The following GRIP1 variants were observed in gnomAD, a reference collection of about 807,000 sequenced individuals.
GRIP1 encodes glutamate receptor-interacting protein 1.
A neutral mutation model predicts 129.9 loss-of-function variants in GRIP1; 45 were observed. That is an observed-to-expected ratio of 0.35 (90% CI 0.27 to 0.44). The LOEUF (loss-of-function observed/expected upper bound fraction) is 0.44, where lower values mean the gene tolerates loss of function less well. Among genes scored for constraint, GRIP1 ranks in the 20% least tolerant of loss-of-function variants. The pLI is 1.00. For synonymous variants in GRIP1, 530 were observed against 520.8 expected (o/e 1.02, Z -0.24); for missense variants, 1,196 against 1,396.8 (o/e 0.86, Z 2.29).
chr12:66,900,933 C>T (rs2040834523), intron 1 of GRIP1, among the ~76,000 whole-genome samples: 1 of 152,158 alleles, frequency 6.6e-6, no homozygotes. Context: ...GGTCTTGGCT[C>T]TTAAATCCTG....
chr12:66,719,066 G>A (rs1332556571), intron 1 of GRIP1, among the ~76,000 whole-genome samples: 1 of 152,036 alleles, frequency 6.6e-6, no homozygotes, highest in African/African-American at 2.4e-5. Context: ...TTATTACTGG[G>A]AAACAGGCAG....
At chr12:67,049,306 A>C (rs1026704048) in intron 1 of GRIP1, among the ~76,000 whole-genome samples, 1 of 152,188 alleles carries the variant, frequency 6.6e-6, no homozygotes. Context: ...TCTAAGCCCA[A>C]ATTTTGCCTC....
chr12:66,885,485 C>T (rs897636116), intron 1 of GRIP1, among the ~76,000 whole-genome samples: 4 of 152,118 alleles, frequency 2.6e-5, no homozygotes, highest in South Asian at 2.1e-4. Flanking sequence ...AGATGGAGGG[C>T]GTACCTGATT....
intron 7 of GRIP1, among the ~76,000 whole-genome samples, chr12:66,473,471 G>T (rs2059505816): frequency 6.6e-6 from 1 of 152,238 alleles, no homozygotes; most frequent in Non-Finnish European, 1.5e-5. Context: ...CAGTGCTTCA[G>T]CTCTGCTAAG....
At chr12:66,773,151 C>T (rs2037873398) in intron 1 of GRIP1, among the ~76,000 whole-genome samples, 2 of 152,152 alleles carry the variant, frequency 1.3e-5, no homozygotes, top group South Asian at 2.1e-4. Context: ...TCCGCATTTA[C>T]CTTCAGGTCA....
chr12:66,444,213 G>A (rs756430117), intron 13 of GRIP1, among the ~76,000 whole-genome samples: 3 of 152,212 alleles, frequency 2.0e-5, no homozygotes, highest in East Asian at 1.9e-4. Context: ...TTGGCCGGGC[G>A]CGGTGGCTCA....
At position 66,628,193 on chromosome 12, in the gene GRIP1, T is replaced by C. The variant is rs910305632; in HGVS notation, c.56-31266A>G. The stretch of plus-strand genomic sequence containing the variant: ...GAGCAGGCTTTCTCTAGATCCCTTA[T>C]TTGTTCTAAATAGATTGTGAGCTCA... On this transcript the variant is annotated intron_variant, in intron 1 of 24. Coordinates refer to ENST00000359742, the MANE Select transcript of GRIP1 (RefSeq NM_001366722.1). Among the ~76,000 whole-genome samples the C allele has an allele frequency of 5.3e-5, 8 of 152,180 alleles. No individual in the cohort carries two copies. In the South Asian group the frequency reaches 6.2e-4, roughly 12 times the overall value.
At chr12:66,527,792 C>G (rs980853873) in intron 5 of GRIP1, among the ~76,000 whole-genome samples, 3 of 151,974 alleles carry the variant, frequency 2.0e-5, no homozygotes, top group Non-Finnish European at 4.4e-5. Flanking sequence ...ACAACAGACA[C>G]TGAGGCCTAT....
chr12:67,040,219 AC>A (rs1454560879), intron 1 of GRIP1, among the ~76,000 whole-genome samples: 1 of 113,562 alleles, frequency 8.8e-6, no homozygotes, highest in African/African-American at 3.1e-5. Flanking sequence ...ACCCACCCCC[AC>A]CCCCCCAGCA....
chr12:66,582,366 C>T (rs577069712), intron 2 of GRIP1, among the ~76,000 whole-genome samples: 2 of 144,128 alleles, frequency 1.4e-5, no homozygotes, highest in South Asian at 4.5e-4. Context: ...TGCCCTCTCT[C>T]ACCACTCCTA....
At chr12:66,984,632 G>C (rs895155028) in intron 1 of GRIP1, among the ~76,000 whole-genome samples, 3 of 152,128 alleles carry the variant, frequency 2.0e-5, no homozygotes, top group African/African-American at 7.2e-5. Context: ...TAGAAGGTGA[G>C]AGAGCTGTGT....
chr12:67,047,690 A>G (rs951798726), intron 1 of GRIP1, among the ~76,000 whole-genome samples: 130 of 152,158 alleles, frequency 8.5e-4, no homozygotes, highest in Non-Finnish European at 1.5e-3. Flanking sequence ...CTGCACATTT[A>G]GGTTGCTTTC....
At chr12:66,674,030 G>A (rs549202328) in intron 1 of GRIP1, among the ~76,000 whole-genome samples, 36 of 152,278 alleles carry the variant, frequency 2.4e-4, no homozygotes, top group Middle Eastern at 3.4e-3. Flanking sequence ...GATTTGGAAA[G>A]GGGTGGAAAG....
chr12:66,548,555 C>A (rs1377670378), intron 2 of GRIP1, among the ~76,000 whole-genome samples: 1 of 152,112 alleles, frequency 6.6e-6, no homozygotes, highest in Non-Finnish European at 1.5e-5. Flanking sequence ...GACTATGCCA[C>A]CCAGAGGCAA....
At chr12:66,885,450 C>T (rs1417676832) in intron 1 of GRIP1, among the ~76,000 whole-genome samples, 1 of 152,148 alleles carries the variant, frequency 6.6e-6, no homozygotes, top group East Asian at 1.9e-4. Context: ...GTAGCAAAGG[C>T]TGTGAGTAGA....
intron 1 of GRIP1, among the ~76,000 whole-genome samples, chr12:67,031,086 G>T (rs1646083458): frequency 6.6e-6 from 1 of 152,128 alleles, no homozygotes; most frequent in Admixed American, 6.6e-5. Context: ...GAGAAAGAAT[G>T]TCACAAAATT....
At chr12:66,358,335 C>T (rs550966993) in intron 23 of GRIP1, among the ~76,000 whole-genome samples, 1 of 152,160 alleles carries the variant, frequency 6.6e-6, no homozygotes, top group Non-Finnish European at 1.5e-5. Flanking sequence ...CTTTACTTTC[C>T]GGCACAAAAT....
intron 1 of GRIP1, among the ~76,000 whole-genome samples, chr12:66,609,583 C>T (rs1262203516): frequency 6.6e-6 from 1 of 152,134 alleles, no homozygotes; most frequent in Non-Finnish European, 1.5e-5. Context: ...ATATAATTTC[C>T]TCACAAATTA....
intron 1 of GRIP1, among the ~76,000 whole-genome samples, chr12:66,964,024 C>T (rs2041960625): frequency 1.3e-5 from 2 of 152,138 alleles, no homozygotes; most frequent in Non-Finnish European, 1.5e-5. Context: ...AGTTCTACCT[C>T]CTGAGTAACT....
Sources: gnomAD v4.1 joint callset for allele counts (sites outside exome capture counted in the v4.1 genomes callset) on GRCh38, gnomAD v4.1.1 for gene constraint, MANE v1.5 for transcripts, NCBI Gene and HGNC (gene_info 2026-07-23, HGNC 2026-07-21) for gene names.